Variants in COL6A6 observed in about 807,000 individuals in gnomAD.
COL6A6 encodes collagen alpha-6(VI) chain.
COL6A6 carries 183 observed loss-of-function variants against 208.6 expected under a neutral mutation model. The ratio of observed to expected loss-of-function variants is 0.88; its 90% CI spans 0.78 to 0.99. COL6A6 has a LOEUF of 0.99. Ranked by LOEUF, COL6A6 falls within the 50% of genes least tolerant of loss-of-function variation. The pLI, the probability that COL6A6 is intolerant of heterozygous loss-of-function variation, is 0.00. For missense variants in COL6A6, 2,816 were observed against 2,815.2 expected (o/e 1.00, Z -0.01); for synonymous variants, 973 against 1,011.8 (o/e 0.96, Z 0.73).
intron 25 of COL6A6, 45 bp downstream of exon 25, chr3:130,626,592 T>C (rs769545679): frequency 1.9e-5 from 25 of 1,317,684 alleles, no homozygotes; most frequent in Admixed American, 6.7e-5. Flanking sequence ...TGGAATCTTT[T>C]AGTTCAGTAG....
At chr3:130,559,411 T>G (rs1577698675) in intron 1 of COL6A6, among the ~76,000 whole-genome samples, 1 of 152,284 alleles carries the variant, frequency 6.6e-6, no homozygotes, top group East Asian at 1.9e-4. Flanking sequence ...GTGATGTAGG[T>G]GAGGAAACAG....
At chr3:130,642,779 T>C in intron 29 of COL6A6, 53 bp from the exon 30 acceptor site, 1 of 1,521,776 alleles carries the variant, frequency 6.6e-7, no homozygotes, top group South Asian at 1.1e-5. Flanking sequence ...GCACACTGGC[T>C]ACTGATGTGT....
intron 1 of COL6A6, among the ~76,000 whole-genome samples, chr3:130,528,724 A>G (rs1443688171): frequency 6.6e-6 from 1 of 152,200 alleles, no homozygotes; most frequent in Non-Finnish European, 1.5e-5. Context: ...ATAATCACCC[A>G]TCAGGTTCCT....
At chr3:130,620,905 G>A (rs2064695542) in intron 23 of COL6A6, among the ~76,000 whole-genome samples, 1 of 152,176 alleles carries the variant, frequency 6.6e-6, no homozygotes, top group Non-Finnish European at 1.5e-5. Context: ...ACAAATACCT[G>A]TAAACAGTTG....
At chr3:130,537,456 C>T (rs2062253447) in intron 1 of COL6A6, among the ~76,000 whole-genome samples, 1 of 152,222 alleles carries the variant, frequency 6.6e-6, no homozygotes, top group African/African-American at 2.4e-5. Context: ...ATGAGTTTCT[C>T]TCTACTTAGT....
intron 1 of COL6A6, among the ~76,000 whole-genome samples, chr3:130,518,851 A>T (rs1005757625): frequency 6.6e-6 from 1 of 152,166 alleles, no homozygotes; most frequent in African/African-American, 2.4e-5. Flanking sequence ...GAGAAAAAAA[A>T]TACCGTGCCT....
chr3:130,644,829 C>T (rs531103837), intron 31 of COL6A6, among the ~76,000 whole-genome samples, 162 bp from the exon 32 acceptor site: 1 of 152,324 alleles, frequency 6.6e-6, no homozygotes, highest in African/African-American at 2.4e-5. Context: ...AGTGCTTTTA[C>T]CAAGATGTTA....
intron 1 of COL6A6, among the ~76,000 whole-genome samples, chr3:130,559,307 A>G (rs1038231162): frequency 6.6e-6 from 1 of 152,208 alleles, no homozygotes; most frequent in Non-Finnish European, 1.5e-5. Flanking sequence ...CTTGAATAGA[A>G]CTAATAAATT....
chr3:130,672,637 C>T (rs886846231), intron 36 of COL6A6, among the ~76,000 whole-genome samples: 9 of 151,794 alleles, frequency 5.9e-5, no homozygotes, highest in Non-Finnish European at 1.0e-4. Context: ...CTCCTGACCT[C>T]AAGTGATCCA....
rs2063750520 is a variant in COL6A6 at position 130,592,722 on chromosome 3, G to A, written c.4371G>A (p.Glu1457=). Residue 1457 remains glutamate (E), a splice_region_variant and synonymous_variant, in exon 15 of 37, where the codon GAG becomes GAA. Coordinates refer to ENST00000358511, the MANE Select transcript of COL6A6 (RefSeq NM_001102608.3). ...PKGNRGLNGQ[E]GEVGENGIDG... Reference sequence around the variant, plus strand: ...GAAACAGAGGACTAAATGGACAGGAGGTATGTTACCAGGCACATCCATTTA... The same window carrying A: ...GAAACAGAGGACTAAATGGACAGGAAGTATGTTACCAGGCACATCCATTTA... 2.5e-6 allele frequency: 4 copies of A among 1,610,848 alleles called. No homozygotes were observed. The highest frequency in any genetic ancestry group is 1.3e-5 in the African/African-American group (1 of 74,790).
chr3:130,605,527 C>G (rs1325572602), intron 20 of COL6A6, among the ~76,000 whole-genome samples: 1 of 152,038 alleles, frequency 6.6e-6, no homozygotes, highest in African/African-American at 2.4e-5. Context: ...TGAATTGAAT[C>G]AGAACAGACA....
At chr3:130,579,613 T>C (rs541825959) in intron 8 of COL6A6, among the ~76,000 whole-genome samples, 5 of 152,228 alleles carry the variant, frequency 3.3e-5, no homozygotes, top group Non-Finnish European at 7.3e-5. Flanking sequence ...CCCTTTCTTA[T>C]TCCCACTGCT....
intron 35 of COL6A6, among the ~76,000 whole-genome samples, chr3:130,662,610 A>G (rs774393475): frequency 4.8e-4 from 73 of 152,256 alleles, no homozygotes; most frequent in South Asian, 8.3e-4. Flanking sequence ...GTGTGAAGTC[A>G]TAGCCTGGAC....
At chr3:130,656,803 A>AG (rs2065802612) in intron 33 of COL6A6, among the ~76,000 whole-genome samples, 1 of 152,156 alleles carries the variant, frequency 6.6e-6, no homozygotes, top group Non-Finnish European at 1.5e-5. Flanking sequence ...CAAACTCGGG[A>AG]GGGGGCTGAG....
At chr3:130,671,249 C>T (rs2066207689) in intron 36 of COL6A6, among the ~76,000 whole-genome samples, 1 of 152,202 alleles carries the variant, frequency 6.6e-6, no homozygotes, top group South Asian at 2.1e-4. Context: ...TGCAAGGACA[C>T]ATGTGGGAGC....
At chr3:130,576,440 G>C (rs905412582) in intron 8 of COL6A6, among the ~76,000 whole-genome samples, 43 of 152,094 alleles carry the variant, frequency 2.8e-4, no homozygotes, top group Non-Finnish European at 5.1e-4. Flanking sequence ...GACTCTCTAA[G>C]TTCTGCTTCA....
intron 1 of COL6A6, among the ~76,000 whole-genome samples, chr3:130,543,370 C>G (rs2062419237): frequency 6.6e-6 from 1 of 152,140 alleles, no homozygotes; most frequent in African/African-American, 2.4e-5. Flanking sequence ...CAATAACTAC[C>G]ATATTTGTTA....
chr3:130,625,297 G>A (rs1256095381), intron 24 of COL6A6, among the ~76,000 whole-genome samples: 1 of 152,120 alleles, frequency 6.6e-6, no homozygotes, highest in Non-Finnish European at 1.5e-5. Flanking sequence ...TTGGTTTTCT[G>A]TCCTTAAAAA....
At chr3:130,592,491 A>T in intron 13 of COL6A6, 50 bp from the exon 14 acceptor site, 1 of 1,416,376 alleles carries the variant, frequency 7.1e-7, no homozygotes, top group Non-Finnish European at 9.7e-7. Flanking sequence ...TTCAAGACAG[A>T]TCTCAGATTA....
Sources: allele counts gnomAD v4.1 joint callset (sites outside exome capture counted in the v4.1 genomes callset), GRCh38; gene constraint gnomAD v4.1.1; transcripts MANE v1.5; gene names NCBI Gene and HGNC (gene_info 2026-07-23, HGNC 2026-07-21).